Variants in PHACTR4 observed in about 807,000 individuals in gnomAD.
The protein encoded by PHACTR4 is phosphatase and actin regulator 4, also known as protein phosphatase 1, regulatory subunit 124.
In PHACTR4, 51 loss-of-function variants were observed where a neutral mutation model predicts 72.7. The observed-to-expected ratio is 0.70, with a 90% CI of 0.56 to 0.89. The LOEUF is 0.89. PHACTR4 is among the 40% of genes least tolerant of loss of function. The pLI is 0.00. For synonymous variants in PHACTR4, 255 were observed against 302.5 expected (o/e 0.84, Z 1.63); for missense variants, 731 against 861.8 (o/e 0.85, Z 1.90).
At chr1:28,387,724 A>C (rs1156895080) in intron 1 of PHACTR4, among the ~76,000 whole-genome samples, 4 of 138,788 alleles carry the variant, frequency 2.9e-5, no homozygotes, top group African/African-American at 6.1e-5. Context: ...CTGTCTCTAC[A>C]AAAAACAATT....
Position 28,491,019 on chromosome 1 carries a change from CTGCCTGTGTG to C in PHACTR4, c.1878+9_1878+18del. 3.1e-6 allele frequency: 5 copies of C among 1,611,286 alleles called. No individual in the cohort carries two copies. The highest frequency in any genetic ancestry group is 4.2e-6 in the Non-Finnish European group (5 of 1,177,622). On this transcript the variant is annotated splice_region_variant and intron_variant, in intron 11 of 13. Coordinates refer to ENST00000373839, the MANE Select transcript of PHACTR4 (RefSeq NM_001048183.3). ...ACGTCGGCTCACTAGAAAGGTACTACTGCCTGTGTGTTCAGTTAACTATATGTGTTATATT... is the reference window on the plus strand; with the variant it reads ...ACGTCGGCTCACTAGAAAGGTACTACTTCAGTTAACTATATGTGTTATATT...
At chr1:28,378,466 G>A (rs1381555905) in intron 1 of PHACTR4, among the ~76,000 whole-genome samples, 1 of 151,354 alleles carries the variant, frequency 6.6e-6, no homozygotes, top group Non-Finnish European at 1.5e-5. Context: ...TCATGCCATT[G>A]CACTCCAGCC....
chr1:28,474,241 C>T (rs1047297477), intron 7 of PHACTR4, 90 bp downstream of exon 7: 5 of 1,256,510 alleles, frequency 4.0e-6, no homozygotes, highest in Admixed American at 2.3e-5. Flanking sequence ...AAATGTGGGC[C>T]GGGCCTAGTG....
rs1661537749 is a variant in PHACTR4 at position 28,499,341 on chromosome 1, G to T, written c.*2792G>T. 1 of 151,688 alleles carries T rather than the reference G, an allele frequency of 6.6e-6. No homozygotes were observed. Among genetic ancestry groups the T allele is most frequent in the Admixed American group, 6.6e-5 (1 of 15,216 alleles). 9.4% of individuals were successfully genotyped at this position (151,688 alleles called of 1,614,324 possible). On this transcript the variant is annotated 3_prime_UTR_variant, in exon 14 of 14. Coordinates refer to ENST00000373839, the MANE Select transcript of PHACTR4 (RefSeq NM_001048183.3). ...GTAGAGATGAGGTTTCTCCATGTTGGTCAGGCTGGTCTCAAACTCCCGACC... is the reference window on the plus strand; with the variant it reads ...GTAGAGATGAGGTTTCTCCATGTTGTTCAGGCTGGTCTCAAACTCCCGACC...
At chr1:28,490,708 T>C (rs1348053171) in intron 10 of PHACTR4, among the ~76,000 whole-genome samples, 1 of 151,758 alleles carries the variant, frequency 6.6e-6, no homozygotes, top group Non-Finnish European at 1.5e-5. Context: ...CAGCTGTGCA[T>C]GGCATGTGCC....
chr1:28,484,095 G>A (rs1430350077), intron 9 of PHACTR4, among the ~76,000 whole-genome samples: 2 of 152,088 alleles, frequency 1.3e-5, no homozygotes, highest in Non-Finnish European at 2.9e-5. Flanking sequence ...GGCCGAGGCA[G>A]GTGGATCACA....
intron 1 of PHACTR4, among the ~76,000 whole-genome samples, chr1:28,372,470 C>T (rs1358198878): frequency 1.3e-5 from 2 of 152,086 alleles, no homozygotes; most frequent in Admixed American, 1.3e-4. Context: ...TAATGCAGTT[C>T]TTCAATTTTT....
intron 2 of PHACTR4, among the ~76,000 whole-genome samples, chr1:28,452,990 G>A (rs1441307314): frequency 2.6e-5 from 4 of 151,652 alleles, no homozygotes; most frequent in African/African-American, 4.8e-5. Flanking sequence ...GTGGTTTTGC[G>A]TACCTGTAAT....
rs746642128 is a variant in PHACTR4, at chr1:28,444,214, CTTTTTTTTTTTTT to C, written c.17-14853_17-14841del. Reference sequence around the variant, plus strand: ...TGAGCATTTAAAAAAATATATTTGGCTTTTTTTTTTTTTTTTTTTTTTTTTTTTTTGAGACAGA... The same window carrying C: ...TGAGCATTTAAAAAAATATATTTGGCTTTTTTTTTTTTTTTTTGAGACAGA... On this transcript the variant is annotated intron_variant, in intron 2 of 13. Transcript: ENST00000373839. 3.5e-3 allele frequency among the ~76,000 whole-genome samples: 142 copies of C among 41,114 alleles called. 3 individuals carry two copies. The highest frequency in any genetic ancestry group is 4.4e-3 in the African/African-American group (46 of 10,558). The allele number at this position is 41,114 out of a possible 152,430, so 27.0% of individuals were successfully genotyped here.
At chr1:28,406,863 A>G (rs1355247451) in intron 1 of PHACTR4, among the ~76,000 whole-genome samples, 5 of 152,168 alleles carry the variant, frequency 3.3e-5, no homozygotes, top group Non-Finnish European at 7.3e-5. Context: ...AGCTTACTGA[A>G]CCATCCTCCT....
At position 28,399,222 on chromosome 1, in the gene PHACTR4, G is replaced by A. The variant is rs151158044; in HGVS notation, c.-38-8188G>A. Among the ~76,000 whole-genome samples the A allele has an allele frequency of 4.4e-4, 67 of 152,210 alleles. No homozygotes were observed. In the East Asian group the frequency reaches 0.011, roughly 26 times the overall value. Reference sequence around the variant, plus strand: ...AGCTACTGGGGAGGCTGAGGCAGGAGAATCGCTTGAATCCAGGAGGCGGGG... The same window carrying A: ...AGCTACTGGGGAGGCTGAGGCAGGAAAATCGCTTGAATCCAGGAGGCGGGG... On this transcript the variant is annotated intron_variant, in intron 1 of 13. Transcript: ENST00000373839.
chr1:28,452,463 C>T (rs984759959), intron 2 of PHACTR4, among the ~76,000 whole-genome samples: 4 of 152,058 alleles, frequency 2.6e-5, no homozygotes, highest in African/African-American at 9.7e-5. Context: ...GAGCTCTCAT[C>T]TCACCACTGC....
chr1:28,434,626 ATTC>A (rs1656513136), intron 2 of PHACTR4, among the ~76,000 whole-genome samples: 1 of 152,100 alleles, frequency 6.6e-6, no homozygotes, highest in Non-Finnish European at 1.5e-5. Flanking sequence ...AGCCCCTTTC[ATTC>A]TTTAAGTTTT....
At chr1:28,379,840 C>T (rs987683758) in intron 1 of PHACTR4, among the ~76,000 whole-genome samples, 5 of 150,072 alleles carry the variant, frequency 3.3e-5, no homozygotes, top group African/African-American at 9.8e-5. Flanking sequence ...CCGCCCGCCT[C>T]GGCCTCCCAA....
chr1:28,465,840 A>G lies in PHACTR4; in HGVS notation c.427A>G (p.Lys143Glu), dbSNP rs764650764. 1 of 1,608,082 alleles carries G rather than the reference A, an allele frequency of 6.2e-7. No homozygotes were observed. Among genetic ancestry groups the G allele is most frequent in the Non-Finnish European group, 8.5e-7 (1 of 1,178,350 alleles). The part of the protein sequence containing the change: ...RKAIPEEDLK[K>E]RLGSTGSQPN... ...AGCTATTCCAGAAGAGGACCTAAAG[A>G]AACGACTAGGTAAGAAACTCTGGAT... The change falls in exon 5 of 14, where the codon AAA becomes GAA. Residue 143 changes from lysine (K) to glutamate (E), a missense_variant. Coordinates refer to ENST00000373839, the MANE Select transcript of PHACTR4 (RefSeq NM_001048183.3).
chr1:28,416,675 T>A (rs1159057183), intron 2 of PHACTR4, among the ~76,000 whole-genome samples: 3 of 152,204 alleles, frequency 2.0e-5, no homozygotes, highest in Non-Finnish European at 1.5e-5. Flanking sequence ...ATGCATGGAC[T>A]GGTTTCCATC....
intron 1 of PHACTR4, among the ~76,000 whole-genome samples, chr1:28,392,221 C>T (rs766243022): frequency 6.6e-6 from 1 of 152,052 alleles, no homozygotes; most frequent in Admixed American, 6.6e-5. Context: ...CATGAATCAT[C>T]TCTTTGCTCG....
At chr1:28,493,223 G>A in intron 13 of PHACTR4, 132 bp downstream of exon 13, 1 of 765,698 alleles carries the variant, frequency 1.3e-6, no homozygotes, top group Non-Finnish European at 2.2e-6. Context: ...GCATTCAAAG[G>A]GATGAAAAGT....
chr1:28,396,847 T>TTTC lies in PHACTR4; in HGVS notation c.-38-10561_-38-10560insCTT, dbSNP rs1264255739. On this transcript the variant is annotated intron_variant, in intron 1 of 13. Coordinates refer to ENST00000373839, the MANE Select transcript of PHACTR4 (RefSeq NM_001048183.3). ...CTAATTTCTTTCTTTCTTTCTTTCT[T>TTTC]TTTTTTTTTTTTTTTTTGTATTTTT... 5.4e-3 allele frequency among the ~76,000 whole-genome samples: 150 copies of TTTC among 27,636 alleles called. 1 individual carries two copies. Among genetic ancestry groups the TTTC allele is most frequent in the African/African-American group, 0.011 (139 of 12,616 alleles). The allele number at this position is 27,636 out of a possible 152,430, so 18.1% of individuals were successfully genotyped here.
Sources: gnomAD v4.1 joint callset for allele counts (sites outside exome capture counted in the v4.1 genomes callset) on GRCh38, gnomAD v4.1.1 for gene constraint, MANE v1.5 for transcripts, NCBI Gene and HGNC (gene_info 2026-07-23, HGNC 2026-07-21) for gene names.